The following C6orf118 variants were observed in gnomAD, a reference collection of about 807,000 sequenced individuals.
The protein encoded by C6orf118 is uncharacterized protein C6orf118.
In C6orf118, 50 loss-of-function variants were observed where a neutral mutation model predicts 50.2. The ratio of observed to expected loss-of-function variants is 1.00; its 90% CI spans 0.79 to 1.26. The LOEUF (loss-of-function observed/expected upper bound fraction) is 1.26, where lower values mean the gene tolerates loss of function less well. Among genes scored for constraint, C6orf118 ranks in the 50% most tolerant of loss-of-function variants. The pLI is 0.00. For missense variants in C6orf118, 641 were observed against 578.7 expected (o/e 1.11, Z -1.10); for synonymous variants, 239 against 230.9 (o/e 1.03, Z -0.32).
chr6:165,301,442 C>T, intron 2 of C6orf118, 127 bp downstream of exon 2: 1 of 1,315,320 alleles, frequency 7.6e-7, no homozygotes, highest in Non-Finnish European at 1.0e-6. Flanking sequence ...AGAACACTGC[C>T]CCAAGAGCTA....
At chr6:165,285,507 A>T (rs1417836472) in intron 7 of C6orf118, among the ~76,000 whole-genome samples, 1 of 152,202 alleles carries the variant, frequency 6.6e-6, no homozygotes, top group Non-Finnish European at 1.5e-5. Flanking sequence ...CATTCTTCTC[A>T]GTACCACATG....
chr6:165,291,565 C>T (rs1327794134), intron 6 of C6orf118, among the ~76,000 whole-genome samples: 2 of 152,074 alleles, frequency 1.3e-5, no homozygotes, highest in East Asian at 1.9e-4. Context: ...AGTTTAATCT[C>T]GGACATGTTG....
chr6:165,296,545 A>T (rs1247637212), intron 5 of C6orf118, among the ~76,000 whole-genome samples: 1 of 151,996 alleles, frequency 6.6e-6, no homozygotes. Context: ...TCTCCATCAC[A>T]GTGTGACCCC....
At chr6:165,299,913 A>T (rs972640527) in intron 3 of C6orf118, among the ~76,000 whole-genome samples, 1 of 152,102 alleles carries the variant, frequency 6.6e-6, no homozygotes, top group Non-Finnish European at 1.5e-5. Flanking sequence ...TGAACTCCTG[A>T]CCTAAAGTGA....
At chr6:165,294,073 C>T (rs1780201225) in intron 5 of C6orf118, among the ~76,000 whole-genome samples, 1 of 151,884 alleles carries the variant, frequency 6.6e-6, no homozygotes, top group Non-Finnish European at 1.5e-5. Context: ...GGTGAAACCC[C>T]ATCTCCACTG....
At chr6:165,293,282 T>C (rs1780167720) in intron 6 of C6orf118, 131 bp downstream of exon 6, 5 of 859,406 alleles carry the variant, frequency 5.8e-6, no homozygotes, top group Non-Finnish European at 6.1e-6. Flanking sequence ...ATATGTTGAA[T>C]TCTCGCAACA....
At chr6:165,291,420 C>G (rs781285911) in intron 6 of C6orf118, among the ~76,000 whole-genome samples, 2 of 152,070 alleles carry the variant, frequency 1.3e-5, no homozygotes, top group East Asian at 3.9e-4. Context: ...TTATTTCAAG[C>G]TGTGTTGGAA....
In C6orf118 at chr6:165,289,073, A is replaced by G. The variant is rs140322088; in HGVS notation, c.1302+813T>C. 4.5e-3 allele frequency among the ~76,000 whole-genome samples: 690 copies of G among 152,022 alleles called. 1 individual carries two copies. Among genetic ancestry groups the G allele is most frequent in the Non-Finnish European group, 8.0e-3 (545 of 67,964 alleles). On this transcript the variant is annotated intron_variant, in intron 7 of 8. Transcript: ENST00000230301. ...CAGTAAACCATAGCGTTTCCTCTAT[A>G]TTTAAATAATTTTCTTCTAAAACAG...
At chr6:165,297,763 C>G (rs940674996) in intron 5 of C6orf118, among the ~76,000 whole-genome samples, 1 of 152,176 alleles carries the variant, frequency 6.6e-6, no homozygotes, top group African/African-American at 2.4e-5. Flanking sequence ...GAAACCTGCC[C>G]AAACTCCCCC....
chr6:165,283,105 C>A (rs373326813), intron 7 of C6orf118, among the ~76,000 whole-genome samples: 1 of 152,016 alleles, frequency 6.6e-6, no homozygotes, highest in Non-Finnish European at 1.5e-5. Context: ...CAGAGAAGAA[C>A]GAAAATGGCA....
At chr6:165,281,375 G>GT (rs1779725610) in intron 8 of C6orf118, 1 of 445,078 alleles carries the variant, frequency 2.2e-6, no homozygotes, top group African/African-American at 2.1e-5. Flanking sequence ...GCATTCATGA[G>GT]TGTGAACCCT....
At position 165,298,052 on chromosome 6, in the gene C6orf118, G is replaced by T; in HGVS notation, c.986C>A (p.Ala329Glu). 1 of 1,612,906 alleles carries T rather than the reference G, an allele frequency of 6.2e-7. No homozygotes were observed. ...CTCTTCCCTGGCGAGATCCATGTCC[G>T]CCGTCTTCACCGGCCTCTGCCCCAG... ...KALGQRPVKT[A>E]DMDLAREELR... Residue 329 changes from alanine to glutamate, a missense_variant, in exon 5 of 9, where the codon GCG (alanine) becomes GAG (glutamate). By Grantham distance (107) the Ala-to-Glu change is moderately radical (BLOSUM62 -1). Transcript: ENST00000230301.
rs778041664 is a variant in C6orf118, at chr6:165,301,801, C to T, written c.521G>A (p.Arg174Lys). Residue 174 changes from arginine to lysine, a missense_variant, in exon 2 of 9, where the codon AGG (arginine) becomes AAG (lysine). Arg to Lys is a conservative substitution (Grantham distance 26, BLOSUM62 2). Transcript: ENST00000230301. ...PGRGPPGWRRREELRLPDLKV... is the reference protein window; with the variant it reads ...PGRGPPGWRRKEELRLPDLKV... ...CAAGTCGGGCAGCCGGAGTTCTTCC[C>T]TCCTGCGCCATCCAGGAGGGCCCCG... 1.2e-6 allele frequency: 2 copies of T among 1,613,862 alleles called. No homozygotes were observed. The highest frequency in any genetic ancestry group is 1.7e-5 in the Admixed American group (1 of 60,004).
intron 5 of C6orf118, among the ~76,000 whole-genome samples, chr6:165,295,883 T>C (rs1780277710): frequency 1.3e-5 from 2 of 152,040 alleles, no homozygotes; most frequent in Non-Finnish European, 2.9e-5. Context: ...CAAAGTTGTC[T>C]TCTCACTTCT....
chr6:165,288,026 T>C (rs1029153833), intron 7 of C6orf118, among the ~76,000 whole-genome samples: 3 of 152,216 alleles, frequency 2.0e-5, no homozygotes, highest in African/African-American at 7.2e-5. Context: ...TTCTGCAATC[T>C]ATTTATCTGG....
rs373374426 is a variant in C6orf118, at chr6:165,297,972, C to T, written c.1061+5G>A. 406 of 1,613,702 alleles carry T rather than the reference C, an allele frequency of 2.5e-4. 1 individual carries two copies. The Middle Eastern group carries it at 4.6e-3, about 18-fold the overall frequency. ...CATAGATCAGATCCGTCCCTCATGC[C>T]TCACCTATCATTCTGCTCCAGGGCT... On this transcript the variant is annotated splice_donor_5th_base_variant and intron_variant, in intron 5 of 8. Coordinates refer to ENST00000230301, the MANE Select transcript of C6orf118 (RefSeq NM_144980.4).
chr6:165,303,088 G>A (rs1210402864), intron 1 of C6orf118, among the ~76,000 whole-genome samples: 1 of 152,192 alleles, frequency 6.6e-6, no homozygotes, highest in African/African-American at 2.4e-5. Flanking sequence ...CTGGGACACT[G>A]TGTACTGTGA....
At chr6:165,301,361 A>C (rs993141497) in intron 2 of C6orf118, among the ~76,000 whole-genome samples, 4 of 148,144 alleles carry the variant, frequency 2.7e-5, no homozygotes, top group Non-Finnish European at 1.5e-5. Context: ...AGGCTGCACC[A>C]AGAGCACTGC....
chr6:165,292,377 G>C (rs748487423), intron 6 of C6orf118, among the ~76,000 whole-genome samples: 4 of 152,182 alleles, frequency 2.6e-5, no homozygotes, highest in Non-Finnish European at 4.4e-5. Flanking sequence ...ATGAAAGGGT[G>C]ATGGGAACAG....
Sources: gnomAD v4.1 joint callset for allele counts (sites outside exome capture counted in the v4.1 genomes callset) on GRCh38, gnomAD v4.1.1 for gene constraint, MANE v1.5 for transcripts, NCBI Gene and HGNC (gene_info 2026-07-23, HGNC 2026-07-21) for gene names.